The following TSPOAP1 variants were observed in gnomAD, a reference collection of about 807,000 sequenced individuals.
TSPOAP1 encodes the protein peripheral-type benzodiazepine receptor-associated protein 1.
A neutral mutation model predicts 197.0 loss-of-function variants in TSPOAP1; 87 were observed. The ratio of observed to expected loss-of-function variants is 0.44; its 90% CI spans 0.37 to 0.53. The LOEUF (loss-of-function observed/expected upper bound fraction) is 0.53, where lower values mean the gene tolerates loss of function less well. Ranked by LOEUF, TSPOAP1 falls within the 20% of genes least tolerant of loss-of-function variation. The pLI is 0.00. For missense variants in TSPOAP1, 2,174 were observed against 2,411.3 expected (o/e 0.90, Z 2.06); for synonymous variants, 913 against 998.9 (o/e 0.91, Z 1.62).
In TSPOAP1 at chr17:58,326,295, C is replaced by G; in HGVS notation, c.568G>C (p.Val190Leu). 1 of 1,614,032 alleles carries G rather than the reference C, an allele frequency of 6.2e-7. No homozygotes were observed. The highest frequency in any genetic ancestry group is 8.5e-7 in the Non-Finnish European group (1 of 1,179,958). ...ARKLQETNLR[V>L]VSAPLPRPGT... ...GCCCAGCAGCCTCCTTTCCTCACCA[C>G]CCTCAGGTTCGTTTCCTGCAGCTTT... Residue 190 changes from valine (V) to leucine (L), a missense_variant and splice_region_variant, in exon 3 of 32, where the codon GTG becomes CTG. Physicochemically the swap from Val to Leu is conservative, Grantham distance 32. Transcript: ENST00000343736. This position sits in a 1 kb window ranked among gnomAD's most constrained non-coding sequence, Gnocchi z 4.7.
Position 58,318,312 on chromosome 17 carries a change from G to C in TSPOAP1, c.1840C>G (p.His614Asp). The C allele has an allele frequency of 6.2e-7, 1 of 1,614,224 alleles. No individual in the cohort carries two copies. Among genetic ancestry groups the C allele is most frequent in the South Asian group, 1.1e-5 (1 of 91,082 alleles). The change falls in exon 14 of 32, where the codon CAC becomes GAC. Residue 614 changes from histidine to aspartate, a missense_variant. By Grantham distance (81) the His-to-Asp change is moderately conservative. This residue lies in a region of TSPOAP1 where 1,933 missense variants were observed against 2,139.0 expected (regional missense o/e 0.90). Transcript: ENST00000343736. Reference protein sequence around the residue: ...LSNSSHSESIHNSPKSCPTPE... With the variant: ...LSNSSHSESIDNSPKSCPTPE... ...GTAGGGCATGACTTGGGGCTGTTGT[G>C]GATGGACTCGGAGTGGGAGGAGTTG... is the stretch of plus-strand genomic sequence containing the variant.
At chr17:58,310,270 A>C in intron 20 of TSPOAP1, 112 bp from the exon 21 acceptor site, 1 of 1,246,964 alleles carries the variant, frequency 8.0e-7, no homozygotes, top group African/African-American at 1.5e-5. Flanking sequence ...AGAGGGAGAA[A>C]GAGCCATGTC....
rs766397077 is a variant in TSPOAP1, at chr17:58,311,570, C to T, written c.3081+1G>A. 1 of 1,571,692 alleles carries T rather than the reference C, an allele frequency of 6.4e-7. No individual in the cohort carries two copies. Among genetic ancestry groups the T allele is most frequent in the African/African-American group, 1.3e-5 (1 of 74,144 alleles). ...CCAGGGTACAGTGGGCAGGGCTATA[C>T]CTTCTGCCCATCAGCGTAGATGGCA... On this transcript the variant is annotated splice_donor_variant, in intron 18 of 31. Transcript: ENST00000343736. LOFTEE classifies it high-confidence loss of function.
At position 58,326,389 on chromosome 17, in the gene TSPOAP1, C is replaced by T. The variant is rs1200289390; in HGVS notation, c.474G>A (p.Lys158=). Residue 158 remains lysine, a synonymous_variant, in exon 3 of 32, where the codon AAG becomes AAA. Transcript: ENST00000343736. The surrounding 1 kb of genome is among the most constrained non-coding windows in gnomAD (Gnocchi z 4.7). Reference sequence around the variant, plus strand: ...CGTTCTTCCTCTTCAGCCTCCGCACCTTCTCTTCTGTCTCAGGGAAGCTGC... The same window carrying T: ...CGTTCTTCCTCTTCAGCCTCCGCACTTTCTCTTCTGTCTCAGGGAAGCTGC... The part of the protein sequence containing the change: ...RKSSFPETEE[K]VRRLKRKNAE... The T allele has an allele frequency of 6.2e-7, 1 of 1,613,988 alleles. No individual in the cohort carries two copies.
chr17:58,305,895 T>TTCCCC, intron 26 of TSPOAP1, 30 bp from the exon 27 acceptor site: 2 of 1,554,962 alleles, frequency 1.3e-6, no homozygotes, highest in Non-Finnish European at 1.8e-6. Flanking sequence ...GTGAGCCCCC[T>TTCCCC]CCCACCCTGC....
Position 58,308,542 on chromosome 17 carries a change from C to A in TSPOAP1, c.4730G>T (p.Arg1577Leu), listed in dbSNP as rs981431653. ...CCAGGGCGGGGAGTGAGCACGGACC[C>A]GGGAGAGTGGCTCCTTGGCTCTGCC... is the stretch of plus-strand genomic sequence containing the variant. ...ATGRAKEPLSRATETGEARGQ... is the reference protein window; with the variant it reads ...ATGRAKEPLSLATETGEARGQ... Residue 1577 changes from arginine to leucine, a missense_variant and splice_region_variant, in exon 22 of 32, where the codon CGG becomes CTG. Arg to Leu is a moderately radical substitution (Grantham distance 102). Around this residue, in one of 5 missense-constraint regions of TSPOAP1, gnomAD observed 1,933 missense variants for 2,139.0 expected, o/e 0.90. Transcript: ENST00000343736. 6.6e-7 allele frequency: 1 copy of A among 1,525,006 alleles called. No homozygotes were observed. The highest frequency in any genetic ancestry group is 8.8e-7 in the Non-Finnish European group (1 of 1,135,490). The allele number at this position is 1,525,006 out of a possible 1,614,324, so 94.5% of individuals were successfully genotyped here.
Position 58,322,267 on chromosome 17 carries a change from G to A in TSPOAP1, c.1422+41C>T. The stretch of plus-strand genomic sequence containing the variant: ...TGTGGAATGAGTGAGTGGCAAAGCT[G>A]GTGTCCAGCAGCCTGCCAGCTTCCC... On this transcript the variant is annotated intron_variant, in intron 10 of 31. Coordinates refer to ENST00000343736, the MANE Select transcript of TSPOAP1 (RefSeq NM_004758.4). The surrounding 1 kb of genome is among the most constrained non-coding windows in gnomAD (Gnocchi z 5.0). 6.3e-7 allele frequency: 1 copy of A among 1,575,154 alleles called. No homozygotes were observed. The highest frequency in any genetic ancestry group is 8.6e-7 in the Non-Finnish European group (1 of 1,158,276).
rs930171052 is a variant in TSPOAP1, at chr17:58,326,156, C to T, written c.570+137G>A. The stretch of plus-strand genomic sequence containing the variant: ...TGGCCAGCCTCTGCCCTTCCTGCAC[C>T]TTAGCCCCTAGATTCTTGCTTTCCT... On this transcript the variant is annotated intron_variant, in intron 3 of 31. Transcript: ENST00000343736. The surrounding 1 kb of genome is among the most constrained non-coding windows in gnomAD (Gnocchi z 4.7). 1.4e-6 allele frequency: 2 copies of T among 1,410,242 alleles called. No homozygotes were observed. Among genetic ancestry groups the T allele is most frequent in the Non-Finnish European group, 9.5e-7 (1 of 1,053,208 alleles). The allele number at this position is 1,410,242 out of a possible 1,614,324, so 87.4% of individuals were successfully genotyped here.
At position 58,311,171 on chromosome 17, in the gene TSPOAP1, C is replaced by T; in HGVS notation, c.3124G>A (p.Glu1042Lys). ...ASPTAGSVLV[E>K]LSQLQLLQVC... ...TGCAGCAGCTGCAGCTGGGACAACTCCACCAGTACACTGCCTGCCGTGGGT... is the reference window on the plus strand; with the variant it reads ...TGCAGCAGCTGCAGCTGGGACAACTTCACCAGTACACTGCCTGCCGTGGGT... Residue 1042 changes from glutamate (E) to lysine (K), a missense_variant, in exon 19 of 32, where the codon GAG becomes AAG. Physicochemically the swap from Glu to Lys is moderately conservative, Grantham distance 56. This residue lies in a region of TSPOAP1 where 1,933 missense variants were observed against 2,139.0 expected (regional missense o/e 0.90). Coordinates refer to ENST00000343736, the MANE Select transcript of TSPOAP1 (RefSeq NM_004758.4). 6.2e-7 allele frequency: 1 copy of T among 1,611,786 alleles called. No individual in the cohort carries two copies. Among genetic ancestry groups the T allele is most frequent in the Non-Finnish European group, 8.5e-7 (1 of 1,179,576 alleles).
At position 58,305,099 on chromosome 17, in the gene TSPOAP1, G is replaced by A. The variant is rs778521172; in HGVS notation, c.5506C>T (p.Leu1836=). ...TGGGGTGTCCTGGGTTCCCTGTCCA[G>A]GCCGCCTGCCTCAGGCCCAGGGCCC... is the stretch of plus-strand genomic sequence containing the variant. ...LEGPGPEAGG[L]DREPRTPQAE... Residue 1836 remains leucine (L), a synonymous_variant, in exon 30 of 32, where the codon CTG becomes TTG. Transcript: ENST00000343736. 7.8e-5 allele frequency: 126 copies of A among 1,613,876 alleles called. No individual in the cohort carries two copies. The highest frequency in any genetic ancestry group is 3.5e-4 in the Admixed American group (21 of 59,990).
chr17:58,318,235 TC>T (rs1971298634), intron 14 of TSPOAP1, 44 bp downstream of exon 14: 3 of 1,606,606 alleles, frequency 1.9e-6, no homozygotes, highest in Admixed American at 3.3e-5. Context: ...CCTGCACCCT[TC>T]CCCAAGCCAA....
Position 58,305,124 on chromosome 17 carries a change from C to A in TSPOAP1, c.5481G>T (p.Glu1827Asp). The change falls in exon 30 of 32, where the codon GAG becomes GAT. Residue 1827 changes from glutamate to aspartate, a missense_variant. By Grantham distance (45) the Glu-to-Asp change is conservative. This residue lies in a region of TSPOAP1 where 60 missense variants were observed against 56.2 expected (regional missense o/e 1.07). Coordinates refer to ENST00000343736, the MANE Select transcript of TSPOAP1 (RefSeq NM_004758.4). ...QRGLVPSNFL[E>D]GPGPEAGGLD... ...GGCCGCCTGCCTCAGGCCCAGGGCC[C>A]TCCAGGAAGTTGGATGGAACCAGGC... 6.2e-7 allele frequency: 1 copy of A among 1,614,030 alleles called. No individual in the cohort carries two copies.
In TSPOAP1 at chr17:58,302,484, G is replaced by A. The variant is rs1383385848; in HGVS notation, c.*33-37C>T. Reference sequence around the variant, plus strand: ...GACAGAAGGAGCAAGGTCAGGGCCTGATTCCCTCCTGACCCCCTGACCCAT... The same window carrying A: ...GACAGAAGGAGCAAGGTCAGGGCCTAATTCCCTCCTGACCCCCTGACCCAT... On this transcript the variant is annotated intron_variant, in intron 31 of 31. Transcript: ENST00000343736. 3 of 1,189,092 alleles carry A rather than the reference G, an allele frequency of 2.5e-6. No individual in the cohort carries two copies. In the East Asian group the frequency reaches 1.9e-4, roughly 74 times the overall value. The allele number at this position is 1,189,092 out of a possible 1,614,324, so 73.7% of individuals were successfully genotyped here.
Position 58,307,900 on chromosome 17 carries a change from C to T in TSPOAP1, c.4773G>A (p.Gly1591=). 2.5e-6 allele frequency: 4 copies of T among 1,613,470 alleles called. No homozygotes were observed. Among genetic ancestry groups the T allele is most frequent in the Non-Finnish European group, 3.4e-6 (4 of 1,180,016 alleles). ...CACCTCTCTTCTGGGGGCCCCTCCG[C>T]CCAGAGCCGTCCTGCCCTCTGGCCT... ...TGEARGQDGS[G]RRGPQKRGVR... The change falls in exon 23 of 32, where the codon GGG becomes GGA. Residue 1591 remains glycine, a synonymous_variant. Transcript: ENST00000343736.
Position 58,310,063 on chromosome 17 carries a change from T to A in TSPOAP1, c.3795A>T (p.Glu1265Asp). The A allele has an allele frequency of 6.2e-7, 1 of 1,613,308 alleles. No homozygotes were observed. The highest frequency in any genetic ancestry group is 8.5e-7 in the Non-Finnish European group (1 of 1,179,962). The change falls in exon 21 of 32, where the codon GAA becomes GAT. Residue 1265 changes from glutamate (E) to aspartate (D), a missense_variant. Physicochemically the swap from Glu to Asp is conservative, Grantham distance 45. Transcript: ENST00000343736. ...SDLSDIQEEE[E>D]EEEEEEEEEL... ...CCTCTTCCTCCTCCTCCTCCTCCTC[T>A]TCCTCTTCCTCCTGGATGTCTGACA...
chr17:58,325,032 G>A (rs1363685797), intron 4 of TSPOAP1, 30 bp from the exon 5 acceptor site: 2 of 1,493,646 alleles, frequency 1.3e-6, no homozygotes, highest in Non-Finnish European at 1.8e-6. Flanking sequence ...ACAGGGAGGG[G>A]ACTCAGGCCT....
Position 58,319,917 on chromosome 17 carries a change from A to T in TSPOAP1, c.1494+192T>A, listed in dbSNP as rs1971353420. On this transcript the variant is annotated intron_variant, in intron 12 of 31. Coordinates refer to ENST00000343736, the MANE Select transcript of TSPOAP1 (RefSeq NM_004758.4). ...AGGGGAGGCCCAGTGTCTGACAGACACGGCGGCAGGCCTGGGACAAGGGGA... is the reference window on the plus strand; with the variant it reads ...AGGGGAGGCCCAGTGTCTGACAGACTCGGCGGCAGGCCTGGGACAAGGGGA... 2.0e-5 allele frequency among the ~76,000 whole-genome samples: 3 copies of T among 151,002 alleles called. No individual in the cohort carries two copies. The South Asian group carries it at 6.2e-4, about 31-fold the overall frequency.
At position 58,318,304 on chromosome 17, in the gene TSPOAP1, G is replaced by A. The variant is rs1046782182; in HGVS notation, c.1848C>T (p.Ser616=). Residue 616 remains serine (S), a synonymous_variant, in exon 14 of 32, where the codon AGC becomes AGT. Transcript: ENST00000343736. ...NSSHSESIHN[S]PKSCPTPEVD... ...CCTCAGGTGTAGGGCATGACTTGGGGCTGTTGTGGATGGACTCGGAGTGGG... is the reference window on the plus strand; with the variant it reads ...CCTCAGGTGTAGGGCATGACTTGGGACTGTTGTGGATGGACTCGGAGTGGG... The A allele has an allele frequency of 1.9e-6, 3 of 1,614,090 alleles. No individual in the cohort carries two copies. In the African/African-American group the frequency reaches 4.0e-5, roughly 22 times the overall value.
chr17:58,302,941 C>G (rs1310874034), intron 31 of TSPOAP1: 1 of 152,734 alleles, frequency 6.5e-6, no homozygotes, highest in Non-Finnish European at 1.5e-5. Context: ...ATGTGGCCCC[C>G]CCAGGCCTTC....
Sources: allele counts gnomAD v4.1 joint callset (sites outside exome capture counted in the v4.1 genomes callset), GRCh38; gene constraint gnomAD v4.1.1; regional missense constraint gnomAD v4.1.1; non-coding constraint Gnocchi (gnomAD v3.1); transcripts MANE v1.5; gene names NCBI Gene and HGNC (gene_info 2026-07-23, HGNC 2026-07-21).